The following CDC20 variants were observed in gnomAD, a reference collection of about 807,000 sequenced individuals.
CDC20 encodes the protein cell division cycle 20.
Under a neutral mutation model 60.0 loss-of-function variants are expected in CDC20, and 34 were observed. That is an observed-to-expected ratio of 0.57 (90% confidence interval 0.43 to 0.75). CDC20 has a LOEUF of 0.75. Ranked by LOEUF, CDC20 falls within the 30% of genes least tolerant of loss-of-function variation. The pLI is 0.00. For missense variants in CDC20, 469 were observed against 647.3 expected (o/e 0.72, Z 2.99); for synonymous variants, 198 against 243.5 (o/e 0.81, Z 1.74).
In CDC20 at chr1:43,360,613, C is replaced by A. The variant is rs751424023; in HGVS notation, c.848+20C>A. 23 of 1,601,446 alleles carry A rather than the reference C, an allele frequency of 1.4e-5. 1 individual carries two copies. The South Asian group carries it at 2.3e-4, about 16-fold the overall frequency. On this transcript the variant is annotated intron_variant, in intron 7 of 10. Transcript: ENST00000310955. Reference sequence around the variant, plus strand: ...GTCCAGGTCAGTGGTTTTTGTTGGTCTATGGTAGTCTGATATTTGCCCACC... The same window carrying A: ...GTCCAGGTCAGTGGTTTTTGTTGGTATATGGTAGTCTGATATTTGCCCACC...
In CDC20 at chr1:43,363,187, C is replaced by T; in HGVS notation, c.*58C>T. 1 of 1,511,670 alleles carries T rather than the reference C, an allele frequency of 6.6e-7. No individual in the cohort carries two copies. The highest frequency in any genetic ancestry group is 1.4e-5 in the African/African-American group (1 of 71,382). The allele number at this position is 1,511,670 out of a possible 1,614,324, so 93.6% of individuals were successfully genotyped here. On this transcript the variant is annotated 3_prime_UTR_variant, in exon 11 of 11. Transcript: ENST00000310955. ...TTTCTAATAAAGTCATGTCTCCCTT[C>T]ATGTTTTTTTTTTAAATCTGTTTCA... is the stretch of plus-strand genomic sequence containing the variant.
chr1:43,359,977 A>G lies in CDC20; in HGVS notation c.436A>G (p.Asn146Asp). The G allele has an allele frequency of 6.2e-7, 1 of 1,614,188 alleles. No homozygotes were observed. The highest frequency in any genetic ancestry group is 8.5e-7 in the Non-Finnish European group (1 of 1,180,026). Residue 146 changes from asparagine (N) to aspartate (D), a missense_variant, in exon 5 of 11, where the codon AAC (asparagine) becomes GAC (aspartate). Physicochemically the swap from Asn to Asp is conservative, Grantham distance 23. Transcript: ENST00000310955. ...TCACTCCGTTGCCACAGGTTATCAG[A>G]ACAGACTGAAAGTACTCTACAGCCA... ...KPQNAPEGYQ[N>D]RLKVLYSQKA...
intron 10 of CDC20, 22 bp downstream of exon 10, chr1:43,362,334 C>CG: frequency 9.3e-7 from 1 of 1,075,626 alleles, no homozygotes; most frequent in Non-Finnish European, 1.5e-6. Context: ...GGTGAAAAGC[C>CG]GGACATAAAA....
chr1:43,359,844 C>T (rs1477578908), intron 4 of CDC20, 23 bp downstream of exon 4: 2 of 1,612,440 alleles, frequency 1.2e-6, no homozygotes, highest in East Asian at 4.5e-5. Flanking sequence ...GTTCCTGGTT[C>T]CTGGAGGGAG....
Position 43,363,158 on chromosome 1 carries a change from T to C in CDC20, c.*29T>C. 2 of 1,591,684 alleles carry C rather than the reference T, an allele frequency of 1.3e-6. No individual in the cohort carries two copies. Among genetic ancestry groups the C allele is most frequent in the Non-Finnish European group, 1.7e-6 (2 of 1,170,154 alleles). On this transcript the variant is annotated 3_prime_UTR_variant, in exon 11 of 11. Coordinates refer to ENST00000310955, the MANE Select transcript of CDC20 (RefSeq NM_001255.3). The stretch of plus-strand genomic sequence containing the variant: ...CCAACCCATCACCTCAGTTGTTTTT[T>C]ATTTTTCTAATAAAGTCATGTCTCC...
Position 43,359,648 on chromosome 1 carries a change from C to T in CDC20, c.330+10C>T. 2 of 1,613,938 alleles carry T rather than the reference C, an allele frequency of 1.2e-6. No individual in the cohort carries two copies. The highest frequency in any genetic ancestry group is 2.7e-5 in the African/African-American group (2 of 75,034). On this transcript the variant is annotated intron_variant, in intron 3 of 10. Coordinates refer to ENST00000310955, the MANE Select transcript of CDC20 (RefSeq NM_001255.3). ...GACGCCCACCAAGAAGGTATGTGTCCCAGAGGGGCTTAAGGCACGGGACCT... is the reference window on the plus strand; with the variant it reads ...GACGCCCACCAAGAAGGTATGTGTCTCAGAGGGGCTTAAGGCACGGGACCT...
At position 43,359,001 on chromosome 1, in the gene CDC20, G is replaced by C. The variant is rs1018560092; in HGVS notation, c.-55G>C. 1 of 605,654 alleles carries C rather than the reference G, an allele frequency of 1.7e-6. No individual in the cohort carries two copies. Among genetic ancestry groups the C allele is most frequent in the East Asian group, 2.8e-5 (1 of 36,190 alleles). The allele number at this position is 605,654 out of a possible 1,614,324, so 37.5% of individuals were successfully genotyped here. On this transcript the variant is annotated 5_prime_UTR_variant, in exon 1 of 11. Coordinates refer to ENST00000310955, the MANE Select transcript of CDC20 (RefSeq NM_001255.3). ...AAAGCCGGTCGGAACTGCTCCGGAG[G>C]GCACGGTGAGAGGTGGTGGGGCTGA...
At position 43,359,251 on chromosome 1, in the gene CDC20, G is replaced by A. The variant is rs1042230482; in HGVS notation, c.36G>A (p.Ser12=). ...AQFAFESDLH[S]LLQLDAPIPN... is the part of the protein sequence containing the mutation. ...TCGCGTTCGAGAGTGACCTGCACTC[G>A]CTGCTTCAGCTGGATGCACCCATCC... The change falls in exon 2 of 11, where the codon TCG becomes TCA. Residue 12 remains serine, a synonymous_variant. Transcript: ENST00000310955. 1.2e-5 allele frequency: 19 copies of A among 1,611,588 alleles called. No individual in the cohort carries two copies. The highest frequency in any genetic ancestry group is 1.6e-5 in the Non-Finnish European group (19 of 1,179,920).
In CDC20 at chr1:43,359,408, G is replaced by T. The variant is rs768975084; in HGVS notation, c.181+12G>T. 6.2e-7 allele frequency: 1 copy of T among 1,612,616 alleles called. No homozygotes were observed. The highest frequency in any genetic ancestry group is 8.5e-7 in the Non-Finnish European group (1 of 1,179,206). On this transcript the variant is annotated intron_variant, in intron 2 of 10. Coordinates refer to ENST00000310955, the MANE Select transcript of CDC20 (RefSeq NM_001255.3). ...GGGCCGAACTCCTGGTCAGTGAGGT[G>T]CCAAAGGAACTGAGTGAGAGCAGCC...
In CDC20 at chr1:43,359,011, G is replaced by A. The variant is rs1253816963; in HGVS notation, c.-50+5G>A. ...GGAACTGCTCCGGAGGGCACGGTGAGAGGTGGTGGGGCTGAGCCGAGGTGG... is the reference window on the plus strand; with the variant it reads ...GGAACTGCTCCGGAGGGCACGGTGAAAGGTGGTGGGGCTGAGCCGAGGTGG... On this transcript the variant is annotated splice_donor_5th_base_variant and intron_variant, in intron 1 of 10. Transcript: ENST00000310955. 1 of 610,390 alleles carries A rather than the reference G, an allele frequency of 1.6e-6. No homozygotes were observed. Among genetic ancestry groups the A allele is most frequent in the Non-Finnish European group, 2.9e-6 (1 of 344,402 alleles). The allele number at this position is 610,390 out of a possible 1,614,324, so 37.8% of individuals were successfully genotyped here. A position where few individuals can be genotyped will look rare whatever the true frequency, so the allele number is the denominator to read the frequency against.
intron 8 of CDC20, 50 bp from the exon 9 acceptor site, chr1:43,361,070 G>C: frequency 6.2e-7 from 1 of 1,613,184 alleles, no homozygotes; most frequent in South Asian, 1.1e-5. Context: ...GACCCCTAGA[G>C]CTCCTTGTCT....
intron 10 of CDC20, among the ~76,000 whole-genome samples, chr1:43,362,580 G>A (rs1647177504): frequency 6.6e-6 from 1 of 152,132 alleles, no homozygotes; most frequent in Admixed American, 6.5e-5. Context: ...AAAAAAGGGA[G>A]GAGGCCAGGC....
chr1:43,361,802 GCT>G (rs1647173745), intron 9 of CDC20, among the ~76,000 whole-genome samples: 2 of 152,142 alleles, frequency 1.3e-5, no homozygotes, highest in South Asian at 4.1e-4. Flanking sequence ...GATACTTGAG[GCT>G]CTCTCCTTCC....
At position 43,358,999 on chromosome 1, in the gene CDC20, AG is replaced by A; in HGVS notation, c.-54del. The A allele has an allele frequency of 1.7e-6, 1 of 604,878 alleles. No homozygotes were observed. Among genetic ancestry groups the A allele is most frequent in the Non-Finnish European group, 2.9e-6 (1 of 340,638 alleles). 37.5% of individuals were successfully genotyped at this position (604,878 alleles called of 1,614,324 possible). A position where few individuals can be genotyped will look rare whatever the true frequency, so the allele number is the denominator to read the frequency against. On this transcript the variant is annotated 5_prime_UTR_variant, in exon 1 of 11. Transcript: ENST00000310955. ...TTAAAGCCGGTCGGAACTGCTCCGG[AG>A]GGCACGGTGAGAGGTGGTGGGGCTG... is the stretch of plus-strand genomic sequence containing the variant.
At position 43,360,933 on chromosome 1, in the gene CDC20, C is replaced by T. The variant is rs1647169968; in HGVS notation, c.1049C>T (p.Thr350Ile). The T allele has an allele frequency of 1.2e-6, 2 of 1,613,840 alleles. No individual in the cohort carries two copies. Among genetic ancestry groups the T allele is most frequent in the South Asian group, 1.1e-5 (1 of 91,062 alleles). The part of the protein sequence containing the change: ...PGEGGWVPLQ[T>I]FTQHQGAVKA... ...GAGGGTGGCTGGGTTCCTCTGCAGA[C>T]ATTCACCCAGCATCAAGGGGCTGTC... The change falls in exon 8 of 11, where the codon ACA becomes ATA. Residue 350 changes from threonine (T) to isoleucine (I), a missense_variant. Coordinates refer to ENST00000310955, the MANE Select transcript of CDC20 (RefSeq NM_001255.3).
At position 43,359,948 on chromosome 1, in the gene CDC20, A is replaced by G. The variant is rs1378683463; in HGVS notation, c.428-21A>G. 7 of 1,613,916 alleles carry G rather than the reference A, an allele frequency of 4.3e-6. No homozygotes were observed. The East Asian group carries it at 1.3e-4, about 31-fold the overall frequency. The stretch of plus-strand genomic sequence containing the variant: ...GGAGGTGTTGATTTTCCCAGCGTCT[A>G]GACTCACTCCGTTGCCACAGGTTAT... On this transcript the variant is annotated intron_variant, in intron 4 of 10. Transcript: ENST00000310955.
chr1:43,362,717 T>C (rs956736457), intron 10 of CDC20, among the ~76,000 whole-genome samples: 3 of 151,968 alleles, frequency 2.0e-5, no homozygotes, highest in Non-Finnish European at 4.4e-5. Context: ...CACAAAAAAT[T>C]AGCCAGGCGT....
At position 43,360,628 on chromosome 1, in the gene CDC20, A is replaced by G. The variant is rs201050818; in HGVS notation, c.848+35A>G. The G allele has an allele frequency of 5.2e-4, 823 of 1,590,370 alleles. 3 individuals carry two copies. The African/African-American group carries it at 9.8e-3, about 19-fold the overall frequency. ...TTTTGTTGGTCTATGGTAGTCTGAT[A>G]TTTGCCCACCCTCCCCTTGACTGTA... On this transcript the variant is annotated intron_variant, in intron 7 of 10. Coordinates refer to ENST00000310955, the MANE Select transcript of CDC20 (RefSeq NM_001255.3).
Position 43,359,229 on chromosome 1 carries a change from C to T in CDC20, c.14C>T (p.Ala5Val). Reference sequence around the variant, plus strand: ...GCGGGCGCTCCCATGGCACAGTTCGCGTTCGAGAGTGACCTGCACTCGCTG... The same window carrying T: ...GCGGGCGCTCCCATGGCACAGTTCGTGTTCGAGAGTGACCTGCACTCGCTG... MAQF[A>V]FESDLHSLLQ... is the part of the protein sequence containing the mutation. Residue 5 changes from alanine to valine, a missense_variant, in exon 2 of 11, where the codon GCG becomes GTG. Coordinates refer to ENST00000310955, the MANE Select transcript of CDC20 (RefSeq NM_001255.3). 1 of 1,611,644 alleles carries T rather than the reference C, an allele frequency of 6.2e-7. No homozygotes were observed. Among genetic ancestry groups the T allele is most frequent in the East Asian group, 2.2e-5 (1 of 44,866 alleles).
Sources: allele counts gnomAD v4.1 joint callset (sites outside exome capture counted in the v4.1 genomes callset), GRCh38; gene constraint gnomAD v4.1.1; transcripts MANE v1.5; gene names NCBI Gene and HGNC (gene_info 2026-07-23, HGNC 2026-07-21).